CUTC: variants seen among roughly 807,000 people sequenced by gnomAD.
CUTC encodes copper homeostasis protein cutC homolog.
In CUTC, 27 loss-of-function variants were observed where a neutral mutation model predicts 36.2. The ratio of observed to expected loss-of-function variants is 0.75; its 90% CI spans 0.55 to 1.03. CUTC has a LOEUF of 1.03. Among genes scored for constraint, CUTC ranks in the 50% least tolerant of loss-of-function variants. The pLI, the probability that CUTC is intolerant of heterozygous loss-of-function variation, is 0.00. For missense variants in CUTC, 315 were observed against 343.5 expected (o/e 0.92, Z 0.66); for synonymous variants, 114 against 118.3 (o/e 0.96, Z 0.24).
Position 99,743,364 on chromosome 10 carries a change from T to C in CUTC, c.403+2T>C, listed in dbSNP as rs780069647. 1 of 1,611,456 alleles carries C rather than the reference T, an allele frequency of 6.2e-7. No individual in the cohort carries two copies. The highest frequency in any genetic ancestry group is 1.1e-5 in the South Asian group (1 of 91,016). Reference sequence around the variant, plus strand: ...AAGAGCTGTGTATGTCCCTTATGGGTAAGAATTTGTATCTAAGACGTAAAA... The same window carrying C: ...AAGAGCTGTGTATGTCCCTTATGGGCAAGAATTTGTATCTAAGACGTAAAA... On this transcript the variant is annotated splice_donor_variant, in intron 4 of 8. Transcript: ENST00000370476. LOFTEE classifies it high-confidence loss of function.
chr10:99,755,380 G>GAAAAAA (rs386372234), intron 8 of CUTC, among the ~76,000 whole-genome samples: 4 of 122,006 alleles, frequency 3.3e-5, no homozygotes, highest in Non-Finnish European at 6.7e-5. Context: ...ATTTAAAAAG[G>GAAAAAA]AAAAAAAAAA....
At position 99,743,956 on chromosome 10, in the gene CUTC, T is replaced by C. The variant is rs180995242; in HGVS notation, c.404-81T>C. On this transcript the variant is annotated intron_variant, in intron 4 of 8. Coordinates refer to ENST00000370476, the MANE Select transcript of CUTC (RefSeq NM_015960.3). ...TAGGCGAAGAAAGTATTAAAAAGTT[T>C]CAGCTAACATGGAGAATTCTATATA... 802 of 1,124,222 alleles carry C rather than the reference T, an allele frequency of 7.1e-4. 5 individuals are homozygous for C. Among genetic ancestry groups the C allele is most frequent in the Non-Finnish European group, 7.7e-4 (606 of 786,912 alleles). The allele number at this position is 1,124,222 out of a possible 1,614,324, so 69.6% of individuals were successfully genotyped here.
intron 1 of CUTC, among the ~76,000 whole-genome samples, chr10:99,734,924 G>A (rs1301128595): frequency 1.3e-5 from 2 of 151,804 alleles, no homozygotes; most frequent in Non-Finnish European, 2.9e-5. Flanking sequence ...GCAACATGGC[G>A]AAACCCCATC....
At chr10:99,755,380 G>GAAA (rs386372234) in intron 8 of CUTC, among the ~76,000 whole-genome samples, 69,301 of 121,244 alleles carry the variant, frequency 0.57, 18,405 homozygotes, top group South Asian at 0.69. Context: ...ATTTAAAAAG[G>GAAA]AAAAAAAAAA....
In CUTC at chr10:99,755,804, A is replaced by G. The variant is rs1179030342; in HGVS notation, c.*65A>G. The stretch of plus-strand genomic sequence containing the variant: ...GTAGAACTATAATCTGCAATTCTCT[A>G]TGACACAGCTTTAACCTTCTTCTCT... On this transcript the variant is annotated 3_prime_UTR_variant, in exon 9 of 9. Transcript: ENST00000370476. 21 of 1,049,948 alleles carry G rather than the reference A, an allele frequency of 2.0e-5. No individual in the cohort carries two copies. Among genetic ancestry groups the G allele is most frequent in the Admixed American group, 9.3e-5 (5 of 53,592 alleles). 65.0% of individuals were successfully genotyped at this position (1,049,948 alleles called of 1,614,324 possible).
chr10:99,736,468 TATG>T, intron 2 of CUTC, 151 bp downstream of exon 2: 1 of 608,910 alleles, frequency 1.6e-6, no homozygotes, highest in African/African-American at 1.9e-5. Flanking sequence ...ACTGGAAAAT[TATG>T]ATCTAGTCTC....
chr10:99,737,973 C>T (rs1264055333), intron 2 of CUTC, among the ~76,000 whole-genome samples: 1 of 152,062 alleles, frequency 6.6e-6, no homozygotes, highest in Non-Finnish European at 1.5e-5. Context: ...TGGAGAAACC[C>T]CGTCTCTACT....
At chr10:99,753,849 A>C (rs994207311) in intron 7 of CUTC, among the ~76,000 whole-genome samples, 14 of 152,240 alleles carry the variant, frequency 9.2e-5, no homozygotes, top group African/African-American at 3.4e-4. Flanking sequence ...CATAGTTTTA[A>C]AATATTGAGT....
chr10:99,746,795 G>C (rs1305069189), intron 5 of CUTC, among the ~76,000 whole-genome samples: 1 of 151,854 alleles, frequency 6.6e-6, no homozygotes, highest in East Asian at 1.9e-4. Context: ...TTTCTTTTGA[G>C]ACAAGTCTTG....
At chr10:99,755,380 G>GAAAAAAAAAA (rs386372234) in intron 8 of CUTC, among the ~76,000 whole-genome samples, 1 of 122,004 alleles carries the variant, frequency 8.2e-6, no homozygotes. Context: ...ATTTAAAAAG[G>GAAAAAAAAAA]AAAAAAAAAA....
chr10:99,747,413 T>TC, intron 6 of CUTC, 23 bp downstream of exon 6: 1 of 1,613,654 alleles, frequency 6.2e-7, no homozygotes, highest in South Asian at 1.1e-5. Context: ...TATCTTTTTT[T>TC]CCCCTAAGAC....
chr10:99,732,498 G>A (rs1210938285), intron 1 of CUTC, 89 bp downstream of exon 1: 2 of 1,537,082 alleles, frequency 1.3e-6, no homozygotes, highest in East Asian at 4.9e-5. Flanking sequence ...ATTTCTTCTG[G>A]AGTCGTTTCC....
At chr10:99,748,676 A>G (rs959661171) in intron 6 of CUTC, among the ~76,000 whole-genome samples, 2 of 152,180 alleles carry the variant, frequency 1.3e-5, no homozygotes, top group African/African-American at 4.8e-5. Context: ...AAGGTTGGCA[A>G]TAATTAGAGG....
chr10:99,734,702 A>T (rs1032772047), intron 1 of CUTC, among the ~76,000 whole-genome samples: 3 of 152,164 alleles, frequency 2.0e-5, no homozygotes, highest in Admixed American at 6.5e-5. Context: ...ATATAAATAC[A>T]TTAATTTTGT....
intron 5 of CUTC, 57 bp downstream of exon 5, chr10:99,744,129 C>T (rs2037361154): frequency 2.2e-6 from 3 of 1,352,730 alleles, no homozygotes; most frequent in African/African-American, 1.4e-5. Context: ...CTAATTTCAA[C>T]AACTGCCACC....
intron 2 of CUTC, among the ~76,000 whole-genome samples, chr10:99,737,668 A>G (rs551295431): frequency 1.5e-4 from 23 of 152,316 alleles, no homozygotes; most frequent in African/African-American, 5.3e-4. Context: ...TTGTTTTTCA[A>G]AAAGAATACA....
chr10:99,752,350 A>G (rs1032072480), intron 7 of CUTC, among the ~76,000 whole-genome samples: 31 of 151,768 alleles, frequency 2.0e-4, no homozygotes, highest in Non-Finnish European at 2.8e-4. Flanking sequence ...ACTGCACTGC[A>G]GCCTGGGCAA....
chr10:99,743,367 G>A lies in CUTC; in HGVS notation c.403+5G>A. 6.2e-7 allele frequency: 1 copy of A among 1,611,370 alleles called. No homozygotes were observed. Among genetic ancestry groups the A allele is most frequent in the Non-Finnish European group, 8.5e-7 (1 of 1,177,536 alleles). On this transcript the variant is annotated splice_donor_5th_base_variant and intron_variant, in intron 4 of 8. Coordinates refer to ENST00000370476, the MANE Select transcript of CUTC (RefSeq NM_015960.3). Reference sequence around the variant, plus strand: ...AGCTGTGTATGTCCCTTATGGGTAAGAATTTGTATCTAAGACGTAAAAGCC... The same window carrying A: ...AGCTGTGTATGTCCCTTATGGGTAAAAATTTGTATCTAAGACGTAAAAGCC...
intron 3 of CUTC, among the ~76,000 whole-genome samples, chr10:99,742,522 C>A (rs1235057669): frequency 6.6e-6 from 1 of 152,004 alleles, no homozygotes; most frequent in African/African-American, 2.4e-5. Context: ...AATTGGAGTT[C>A]TTTTAGCAAG....
Sources: allele counts gnomAD v4.1 joint callset (sites outside exome capture counted in the v4.1 genomes callset), GRCh38; gene constraint gnomAD v4.1.1; transcripts MANE v1.5; gene names NCBI Gene and HGNC (gene_info 2026-07-23, HGNC 2026-07-21).